Variants in IL1RAPL2 observed in about 807,000 individuals in gnomAD.
IL1RAPL2 encodes interleukin 1 receptor accessory protein like 2.
IL1RAPL2 carries 3 observed loss-of-function variants against 44.1 expected under a neutral mutation model. The observed-to-expected ratio is 0.07, with a 90% CI of 0.03 to 0.18. IL1RAPL2 has a LOEUF of 0.18. Ranked by LOEUF, IL1RAPL2 falls within the 10% of genes least tolerant of loss-of-function variation. The pLI, the probability that IL1RAPL2 is intolerant of heterozygous loss-of-function variation, is 1.00. For synonymous variants in IL1RAPL2, 181 were observed against 178.8 expected (o/e 1.01, Z -0.10); for missense variants, 391 against 496.4 (o/e 0.79, Z 2.02).
chrX:105,691,954 A>G (rs942245359), intron 6 of IL1RAPL2, among the ~76,000 whole-genome samples: 2 of 111,992 alleles, frequency 1.8e-5, no homozygotes, highest in Non-Finnish European at 3.8e-5. Flanking sequence ...ATCTAGAATT[A>G]AACAGGGCAC....
chrX:104,948,316 G>C (rs777836321), intron 2 of IL1RAPL2, among the ~76,000 whole-genome samples: 23 of 108,863 alleles, frequency 2.1e-4, no homozygotes, highest in Admixed American at 7.0e-4. Flanking sequence ...GGAGATTTTG[G>C]GCTGAGACAA....
In IL1RAPL2 at chrX:105,138,737, T is replaced by A. The variant is rs142872560; in HGVS notation, c.83-56738T>A. 6.0e-3 allele frequency among the ~76,000 whole-genome samples: 668 copies of A among 111,245 alleles called. 7 individuals carry two copies. Among genetic ancestry groups the A allele is most frequent in the African/African-American group, 0.021 (628 of 30,613 alleles). On this transcript the variant is annotated intron_variant, in intron 2 of 10. Coordinates refer to ENST00000372582, the MANE Select transcript of IL1RAPL2 (RefSeq NM_017416.2). The stretch of plus-strand genomic sequence containing the variant: ...AAATATGAATATTCTTAGAGTCCAG[T>A]GGGTAGTGGATAGCATTTCTTGACT...
At chrX:105,294,279 A>G (rs1377816864) in intron 5 of IL1RAPL2, among the ~76,000 whole-genome samples, 1 of 112,588 alleles carries the variant, frequency 8.9e-6, no homozygotes, top group Non-Finnish European at 1.9e-5. Context: ...AGTTACTATC[A>G]TGCTTAATAT....
At chrX:105,206,826 A>C (rs1556152782) in intron 3 of IL1RAPL2, among the ~76,000 whole-genome samples, 1 of 111,995 alleles carries the variant, frequency 8.9e-6, no homozygotes, top group African/African-American at 3.2e-5. Context: ...TCCACCAAAG[A>C]ATAGAGATGA....
intron 5 of IL1RAPL2, among the ~76,000 whole-genome samples, chrX:105,360,815 A>G (rs901576632): frequency 9.0e-6 from 1 of 111,465 alleles, no homozygotes; most frequent in African/African-American, 3.3e-5. Flanking sequence ...GATATAAAAG[A>G]TTTAAAAGCC....
intron 2 of IL1RAPL2, among the ~76,000 whole-genome samples, chrX:104,665,343 G>A (rs186673588): frequency 1.8e-5 from 2 of 109,827 alleles, no homozygotes; most frequent in Admixed American, 1.9e-4. Context: ...AGTTCCACTT[G>A]TTTCATAGTA....
At chrX:104,713,761 G>A (rs1254067032) in intron 2 of IL1RAPL2, among the ~76,000 whole-genome samples, 1 of 110,639 alleles carries the variant, frequency 9.0e-6, no homozygotes, top group African/African-American at 3.3e-5. Context: ...CAGGGAACCC[G>A]TTTCCATATA....
intron 3 of IL1RAPL2, among the ~76,000 whole-genome samples, chrX:105,215,131 T>C (rs186976041): frequency 9.1e-6 from 1 of 109,778 alleles, no homozygotes; most frequent in East Asian, 2.9e-4. Context: ...CTGAAGGAGA[T>C]AGAGACACAA....
chrX:105,090,231 C>G (rs962471959), intron 2 of IL1RAPL2, among the ~76,000 whole-genome samples: 22 of 111,262 alleles, frequency 2.0e-4, no homozygotes, highest in Admixed American at 1.8e-3. Flanking sequence ...GGTTCCAGGA[C>G]CCCCACATAT....
intron 6 of IL1RAPL2, among the ~76,000 whole-genome samples, chrX:105,691,178 A>C (rs1226711684): frequency 8.9e-6 from 1 of 111,793 alleles, no homozygotes; most frequent in East Asian, 2.8e-4. Flanking sequence ...CAAAAAAAGA[A>C]GTAAAGTTCC....
At chrX:105,297,871 A>AGACT in intron 5 of IL1RAPL2, among the ~76,000 whole-genome samples, 1 of 111,425 alleles carries the variant, frequency 9.0e-6, no homozygotes, top group Admixed American at 9.5e-5. Flanking sequence ...GGAGGCCAGG[A>AGACT]GACTAATTAG....
At chrX:104,654,941 A>C (rs1320811017) in intron 1 of IL1RAPL2, among the ~76,000 whole-genome samples, 2 of 111,088 alleles carry the variant, frequency 1.8e-5, no homozygotes, top group Non-Finnish European at 3.8e-5. Flanking sequence ...AGCAATTTTG[A>C]ATGGGAGTCC....
intron 2 of IL1RAPL2, among the ~76,000 whole-genome samples, chrX:104,763,959 A>G (rs752558712): frequency 1.8e-5 from 2 of 111,454 alleles, no homozygotes; most frequent in South Asian, 3.8e-4. Context: ...TTTGGTTACT[A>G]TTGCTCTGTA....
At chrX:104,919,155 A>T (rs1055933777) in intron 2 of IL1RAPL2, among the ~76,000 whole-genome samples, 1 of 109,705 alleles carries the variant, frequency 9.1e-6, no homozygotes, top group Admixed American at 9.7e-5. Flanking sequence ...ACATTAGACA[A>T]CTCTTATGCT....
intron 4 of IL1RAPL2, among the ~76,000 whole-genome samples, chrX:105,247,176 G>A (rs1264582795): frequency 1.8e-5 from 2 of 111,419 alleles, no homozygotes; most frequent in Non-Finnish European, 3.8e-5. Flanking sequence ...AAGGAGGTGA[G>A]TCTGCTTATT....
intron 7 of IL1RAPL2, among the ~76,000 whole-genome samples, chrX:105,717,783 C>T (rs1477217124): frequency 8.9e-6 from 1 of 112,131 alleles, no homozygotes; most frequent in Admixed American, 9.4e-5. Context: ...CAGCAAAGGT[C>T]CAGTCTTTGA....
At chrX:104,795,419 C>CT (rs35021834) in intron 2 of IL1RAPL2, among the ~76,000 whole-genome samples, 37,268 of 101,815 alleles carry the variant, frequency 0.37, 5,612 homozygotes, top group East Asian at 0.46. Context: ...CTCTCCCTTC[C>CT]TTTTTTTTTT....
chrX:105,163,272 A>G (rs1449462850), intron 2 of IL1RAPL2, among the ~76,000 whole-genome samples: 2 of 112,025 alleles, frequency 1.8e-5, no homozygotes, highest in Non-Finnish European at 3.8e-5. Context: ...GCTTTGCTGA[A>G]AAGGCTGCTC....
chrX:105,030,396 T>G (rs1381443731), intron 2 of IL1RAPL2, among the ~76,000 whole-genome samples: 1 of 112,031 alleles, frequency 8.9e-6, no homozygotes, highest in African/African-American at 3.2e-5. Flanking sequence ...ATGTAAGTCT[T>G]TAATCCATCT....
Sources: gnomAD v4.1 joint callset for allele counts (sites outside exome capture counted in the v4.1 genomes callset) on GRCh38, gnomAD v4.1.1 for gene constraint, MANE v1.5 for transcripts, NCBI Gene and HGNC (gene_info 2026-07-23, HGNC 2026-07-21) for gene names.